Variants in LRAT observed in about 807,000 individuals in gnomAD.
LRAT encodes lecithin retinol acyltransferase (phosphatidylcholine--retinol O-acyltransferase).
A neutral mutation model predicts 14.2 loss-of-function variants in LRAT; 11 were observed. That is an observed-to-expected ratio of 0.78 (90% CI 0.49 to 1.29). The LOEUF (loss-of-function observed/expected upper bound fraction) is 1.29. Among genes scored for constraint, LRAT ranks in the 50% most tolerant of loss-of-function variants. LRAT has a pLI of 0.00. For synonymous variants in LRAT, 144 were observed against 124.8 expected (o/e 1.15, Z -1.03); for missense variants, 274 against 292.4 (o/e 0.94, Z 0.46).
chr4:154,748,105 TG>T, intron 2 of LRAT: 1 of 379,800 alleles, frequency 2.6e-6, no homozygotes, highest in Non-Finnish European at 3.6e-6. Flanking sequence ...CACTGCATTC[TG>T]GCATCAACGG....
At chr4:154,743,171 G>A (rs1349257146), upstream of LRAT, among the ~76,000 whole-genome samples, 1 of 129,240 alleles carries the variant, frequency 7.7e-6, no homozygotes, top group African/African-American at 3.0e-5. Flanking sequence ...CCGGCTGAAA[G>A]CATGGAGGAT....
At chr4:154,748,193 TAGA>T in intron 2 of LRAT, 1 of 982,862 alleles carries the variant, frequency 1.0e-6, no homozygotes, top group Non-Finnish European at 1.2e-6. Flanking sequence ...ATACAGCACG[TAGA>T]AGAATACAGA....
At chr4:154,747,919 G>A (rs1396044069) in intron 2 of LRAT, among the ~76,000 whole-genome samples, 5 of 152,028 alleles carry the variant, frequency 3.3e-5, no homozygotes, top group African/African-American at 7.2e-5. Context: ...CTGTCAAAGT[G>A]GTGTATTAAA....
In LRAT at chr4:154,748,965, C is replaced by A. The variant is rs750137970; in HGVS notation, c.541-19C>A. On this transcript the variant is annotated intron_variant, in intron 2 of 2. Coordinates refer to ENST00000336356, the MANE Select transcript of LRAT (RefSeq NM_004744.5). Reference sequence around the variant, plus strand: ...GGGTTTAGCCACCTTTCCTAATTTTCCAATATTTTATTTTCCAGTTTTGTG... The same window carrying A: ...GGGTTTAGCCACCTTTCCTAATTTTACAATATTTTATTTTCCAGTTTTGTG... 6.2e-7 allele frequency: 1 copy of A among 1,612,694 alleles called. No homozygotes were observed.
upstream of LRAT, among the ~76,000 whole-genome samples, chr4:154,742,253 G>A (rs1732782490): frequency 1.3e-5 from 2 of 152,136 alleles, no homozygotes; most frequent in African/African-American, 4.8e-5. Context: ...ACGTCCACTG[G>A]CTCTCTCCCC....
intron 2 of LRAT, among the ~76,000 whole-genome samples, 197 bp downstream of exon 2, chr4:154,745,063 G>A (rs172098): frequency 5.5e-5 from 7 of 127,162 alleles, no homozygotes; most frequent in Non-Finnish European, 9.5e-5. Context: ...CTGTTGCTCA[G>A]GCTGGAGTGC....
At chr4:154,745,005 CCTTTTTT>C (rs878985195) in intron 2 of LRAT, 139 bp downstream of exon 2, 5,652 of 436,604 alleles carry the variant, frequency 0.013, 180 homozygotes, top group African/African-American at 0.065. Context: ...TTTTCTTTTT[CCTTTTTT>C]TTTTTTTTTT....
At position 154,744,725 on chromosome 4, in the gene LRAT, A is replaced by G. The variant is rs778504867; in HGVS notation, c.399A>G (p.Lys133=). ...LVNHLDESLQ[K]KALLNEEVAR... is the part of the protein sequence containing the mutation. ...ATCACCTGGACGAGTCCCTCCAGAA[A>G]AAGGCACTGCTCAACGAGGAGGTGG... Residue 133 remains lysine (K), a synonymous_variant, in exon 2 of 3, where the codon AAA becomes AAG. Coordinates refer to ENST00000336356, the MANE Select transcript of LRAT (RefSeq NM_004744.5). 4 of 1,614,186 alleles carry G rather than the reference A, an allele frequency of 2.5e-6. No individual in the cohort carries two copies. Among genetic ancestry groups the G allele is most frequent in the South Asian group, 1.1e-5 (1 of 91,086 alleles).
rs995950502 is a variant in LRAT, at chr4:154,749,839, TTCC to T, written c.*705_*707del. On this transcript the variant is annotated 3_prime_UTR_variant, in exon 3 of 3. Coordinates refer to ENST00000336356, the MANE Select transcript of LRAT (RefSeq NM_004744.5). ...AGGAAGCCTGGAATTCATTATTTTT[TTCC>T]TTTTATGTGCCACTGTGGCTACTTT... The T allele has an allele frequency of 1.3e-5, 2 of 152,264 alleles. No homozygotes were observed. Among genetic ancestry groups the T allele is most frequent in the African/African-American group, 4.8e-5 (2 of 41,444 alleles). The allele number at this position is 152,264 out of a possible 1,614,324, so 9.4% of individuals were successfully genotyped here.
upstream of LRAT, among the ~76,000 whole-genome samples, chr4:154,743,740 T>C (rs527916165): frequency 7.5e-4 from 114 of 151,968 alleles, 1 homozygote; most frequent in African/African-American, 2.7e-3. Flanking sequence ...CCGCCACACC[T>C]TGGGACTCTA....
intron 2 of LRAT, 24 bp from the exon 3 acceptor site, chr4:154,748,960 A>T (rs764959136): frequency 6.2e-7 from 1 of 1,612,130 alleles, no homozygotes; most frequent in Non-Finnish European, 8.5e-7. Context: ...ACCTTTCCTA[A>T]TTTTCCAATA....
rs1459522750 is a variant in LRAT, at chr4:154,749,150, T to G, written c.*14T>G. The G allele has an allele frequency of 1.2e-6, 2 of 1,607,304 alleles. No individual in the cohort carries two copies. The highest frequency in any genetic ancestry group is 4.5e-5 in the East Asian group (2 of 44,816). ...ATGGCTGGCTAACTTCATACCCCCA[T>G]GTCAGTGTGTGTATTCTGTATGTAA... On this transcript the variant is annotated 3_prime_UTR_variant, in exon 3 of 3. Transcript: ENST00000336356.
At chr4:154,741,952 C>T (rs1233052611), upstream of LRAT, among the ~76,000 whole-genome samples, 1 of 152,138 alleles carries the variant, frequency 6.6e-6, no homozygotes, top group East Asian at 1.9e-4. Context: ...CGTTAATTAT[C>T]ACGTTTCCTT....
At chr4:154,742,775 T>G (rs753949294), upstream of LRAT, among the ~76,000 whole-genome samples, 29 of 152,214 alleles carry the variant, frequency 1.9e-4, no homozygotes, top group Admixed American at 3.3e-4. Context: ...GGAGTCGGGC[T>G]GCAGGCGCAC....
At chr4:154,744,967 A>G in intron 2 of LRAT, 101 bp downstream of exon 2, 1 of 858,242 alleles carries the variant, frequency 1.2e-6, no homozygotes, top group East Asian at 2.9e-5. Flanking sequence ...ATTCCTGGAC[A>G]CCTCCCCTAC....
rs1733010808 is a variant in LRAT at position 154,752,177 on chromosome 4, A to G, written c.*3041A>G. On this transcript the variant is annotated 3_prime_UTR_variant, in exon 3 of 3. Transcript: ENST00000336356. ...AAGTGAGACAGACAGATATGACCAA[A>G]TTTATACAAACCATGTACCAACACT... The G allele has an allele frequency of 6.6e-6, 1 of 152,222 alleles. No homozygotes were observed. Among genetic ancestry groups the G allele is most frequent in the African/African-American group, 2.4e-5 (1 of 41,466 alleles). 9.4% of individuals were successfully genotyped at this position (152,222 alleles called of 1,614,324 possible).
In LRAT at chr4:154,744,614, T is replaced by C; in HGVS notation, c.288T>C (p.Arg96=). Residue 96 remains arginine, a synonymous_variant, in exon 2 of 3, where the codon CGT becomes CGC. Coordinates refer to ENST00000336356, the MANE Select transcript of LRAT (RefSeq NM_004744.5). ...CGCAGAAGGTGGTCTCCAACAAGCG[T>C]CTCATCCTGGGCGTTATTGTCAAAG... The part of the protein sequence containing the change: ...GRTQKVVSNK[R]LILGVIVKVA... 6.2e-7 allele frequency: 1 copy of C among 1,614,092 alleles called. No individual in the cohort carries two copies. The highest frequency in any genetic ancestry group is 8.5e-7 in the Non-Finnish European group (1 of 1,180,014).
intron 2 of LRAT, 56 bp from the exon 3 acceptor site, chr4:154,748,928 G>A: frequency 6.6e-7 from 1 of 1,512,296 alleles, no homozygotes; most frequent in East Asian, 2.3e-5. Context: ...TTTGATATAT[G>A]TGATTCTTCT....
Position 154,744,362 on chromosome 4 carries a change from A to G in LRAT, c.36A>G (p.Leu12=). Residue 12 remains leucine, a synonymous_variant, in exon 2 of 3, where the codon CTA becomes CTG. Transcript: ENST00000336356. ...KNPMLEVVSL[L]LEKLLLISNF... ...CCATGCTGGAGGTGGTGTCTTTACT[A>G]CTGGAGAAGCTGCTCCTCATCTCCA... is the stretch of plus-strand genomic sequence containing the variant. 6.2e-7 allele frequency: 1 copy of G among 1,613,988 alleles called. No homozygotes were observed. Among genetic ancestry groups the G allele is most frequent in the South Asian group, 1.1e-5 (1 of 91,058 alleles).
Sources: allele counts gnomAD v4.1 joint callset (sites outside exome capture counted in the v4.1 genomes callset), GRCh38; gene constraint gnomAD v4.1.1; transcripts MANE v1.5; gene names NCBI Gene and HGNC (gene_info 2026-07-23, HGNC 2026-07-21).